The following CTDSPL2 variants were observed in gnomAD, a reference collection of about 807,000 sequenced individuals.
The protein encoded by CTDSPL2 is CTD small phosphatase like 2.
A neutral mutation model predicts 60.0 loss-of-function variants in CTDSPL2; 5 were observed. The observed-to-expected ratio is 0.08, with a 90% CI of 0.04 to 0.18. The LOEUF is 0.18. CTDSPL2 is among the 10% of genes least tolerant of loss of function. The pLI, the probability that CTDSPL2 is intolerant of heterozygous loss-of-function variation, is 1.00. For missense variants in CTDSPL2, 370 were observed against 548.8 expected (o/e 0.67, Z 3.26); for synonymous variants, 186 against 189.3 (o/e 0.98, Z 0.14).
intron 2 of CTDSPL2, among the ~76,000 whole-genome samples, chr15:44,476,513 A>G (rs990903107): frequency 6.6e-6 from 1 of 152,228 alleles, no homozygotes; most frequent in African/African-American, 2.4e-5. Context: ...AAATATATAT[A>G]TACAGTCAGG....
At chr15:44,444,102 A>G (rs2080150362) in intron 1 of CTDSPL2, among the ~76,000 whole-genome samples, 1 of 151,788 alleles carries the variant, frequency 6.6e-6, no homozygotes, top group African/African-American at 2.4e-5. Context: ...ATGGGGTCTC[A>G]CCTTGTTGCT....
At chr15:44,443,415 C>T (rs773805589) in intron 1 of CTDSPL2, among the ~76,000 whole-genome samples, 3 of 152,088 alleles carry the variant, frequency 2.0e-5, no homozygotes, top group Non-Finnish European at 1.5e-5. Context: ...GGATGCATAC[C>T]TGGAAGTAGA....
intron 1 of CTDSPL2, among the ~76,000 whole-genome samples, chr15:44,436,376 T>C (rs1340141999): frequency 6.6e-6 from 1 of 152,206 alleles, no homozygotes; most frequent in Non-Finnish European, 1.5e-5. Flanking sequence ...TTTGTCTTAA[T>C]GAGGTTGCTG....
At chr15:44,430,162 A>G (rs2079828447) in intron 1 of CTDSPL2, among the ~76,000 whole-genome samples, 1 of 152,244 alleles carries the variant, frequency 6.6e-6, no homozygotes, top group African/African-American at 2.4e-5. Flanking sequence ...AACAGAGTCC[A>G]TCTAATTCTG....
chr15:44,462,127 A>G (rs2140708055), intron 2 of CTDSPL2, among the ~76,000 whole-genome samples: 1 of 152,288 alleles, frequency 6.6e-6, no homozygotes, highest in African/African-American at 2.4e-5. Flanking sequence ...ATTTTTTAAT[A>G]GAGGCAAGGC....
intron 1 of CTDSPL2, among the ~76,000 whole-genome samples, chr15:44,445,224 G>A (rs1210658042): frequency 6.6e-6 from 1 of 151,540 alleles, no homozygotes; most frequent in Non-Finnish European, 1.5e-5. Context: ...CACTCCGGCT[G>A]TTGCCCTGTC....
At chr15:44,455,365 A>G (rs565606576) in intron 1 of CTDSPL2, among the ~76,000 whole-genome samples, 122 of 152,324 alleles carry the variant, frequency 8.0e-4, no homozygotes, top group Middle Eastern at 3.4e-3. Context: ...GTCATCTGCA[A>G]ACAGGGACAG....
intron 10 of CTDSPL2, 61 bp downstream of exon 10, chr15:44,514,905 C>T (rs1462569817): frequency 7.8e-5 from 80 of 1,021,564 alleles, no homozygotes; most frequent in Non-Finnish European, 9.9e-5. Flanking sequence ...ATTACTGATT[C>T]TATTTCATTT....
intron 8 of CTDSPL2, among the ~76,000 whole-genome samples, chr15:44,505,006 A>G (rs979715134): frequency 6.6e-6 from 1 of 152,212 alleles, no homozygotes; most frequent in African/African-American, 2.4e-5. Flanking sequence ...ATTATTCATT[A>G]TTAATTGGCT....
chr15:44,434,171 A>G (rs2079924739), intron 1 of CTDSPL2, among the ~76,000 whole-genome samples: 1 of 151,808 alleles, frequency 6.6e-6, no homozygotes, highest in African/African-American at 2.4e-5. Flanking sequence ...GGAGGCCAAG[A>G]TGGGCAGATC....
intron 4 of CTDSPL2, 58 bp downstream of exon 4, chr15:44,486,758 G>GTTTTTTTTTTTT (rs368571218): frequency 1.3e-6 from 1 of 745,408 alleles, no homozygotes; most frequent in African/African-American, 2.0e-5. Flanking sequence ...CATAGTTTGG[G>GTTTTTTTTTTTT]TTTTTTTTTT....
chr15:44,528,615 A>G lies in CTDSPL2; in HGVS notation c.*4441A>G, dbSNP rs962229609. 14 of 151,874 alleles carry G rather than the reference A, an allele frequency of 9.2e-5. No individual in the cohort carries two copies. Among genetic ancestry groups the G allele is most frequent in the African/African-American group, 3.4e-4 (14 of 41,358 alleles). The allele number at this position is 151,874 out of a possible 1,614,324, so 9.4% of individuals were successfully genotyped here. On this transcript the variant is annotated 3_prime_UTR_variant, in exon 13 of 13. Coordinates refer to ENST00000260327, the MANE Select transcript of CTDSPL2 (RefSeq NM_016396.3). The stretch of plus-strand genomic sequence containing the variant: ...CTGCTCATTATCATTTTTGTCTTTC[A>G]TATTTTTTAAGGGTTTGCATTTCTA...
intron 8 of CTDSPL2, among the ~76,000 whole-genome samples, chr15:44,505,635 G>A (rs1195824404): frequency 6.6e-6 from 1 of 151,758 alleles, no homozygotes; most frequent in Non-Finnish European, 1.5e-5. Context: ...TCGGGAGGCT[G>A]AGACGGGAGA....
At chr15:44,500,672 C>T (rs1354652021) in intron 8 of CTDSPL2, among the ~76,000 whole-genome samples, 1 of 152,150 alleles carries the variant, frequency 6.6e-6, no homozygotes, top group Non-Finnish European at 1.5e-5. Flanking sequence ...TGTTTATGTG[C>T]TCTTAAAGGC....
Position 44,457,161 on chromosome 15 carries a change from G to C in CTDSPL2, c.-24-1830G>C, listed in dbSNP as rs186532950. On this transcript the variant is annotated intron_variant, in intron 1 of 12. Coordinates refer to ENST00000260327, the MANE Select transcript of CTDSPL2 (RefSeq NM_016396.3). ...CAAAATGCTGGGATTACAGGCGTGAGCCACTGTGCCCAGCCTGCTTTGAAG... is the reference window on the plus strand; with the variant it reads ...CAAAATGCTGGGATTACAGGCGTGACCCACTGTGCCCAGCCTGCTTTGAAG... Among the ~76,000 whole-genome samples the C allele has an allele frequency of 7.9e-5, 12 of 152,326 alleles. No homozygotes were observed. In the East Asian group the frequency reaches 2.1e-3, roughly 27 times the overall value.
chr15:44,519,593 CAT>C (rs1269785518), intron 11 of CTDSPL2: 6 of 223,406 alleles, frequency 2.7e-5, no homozygotes, highest in East Asian at 1.3e-4. Context: ...TAATCATAAA[CAT>C]ATTTGAGTAC....
chr15:44,472,159 A>G (rs2080823645), intron 2 of CTDSPL2, among the ~76,000 whole-genome samples: 1 of 152,206 alleles, frequency 6.6e-6, no homozygotes. Context: ...GTGAACATTC[A>G]TGTATACATT....
At chr15:44,454,702 GT>G (rs1338232936) in intron 1 of CTDSPL2, among the ~76,000 whole-genome samples, 1 of 152,126 alleles carries the variant, frequency 6.6e-6, no homozygotes, top group Non-Finnish European at 1.5e-5. Flanking sequence ...CCCATTTCTT[GT>G]TTTTGTCAGA....
intron 2 of CTDSPL2, among the ~76,000 whole-genome samples, chr15:44,459,928 G>T (rs1424190970): frequency 6.6e-6 from 1 of 152,128 alleles, no homozygotes; most frequent in African/African-American, 2.4e-5. Flanking sequence ...ACACGGACCA[G>T]GAGTCTTGTA....
Sources: allele counts gnomAD v4.1 joint callset (sites outside exome capture counted in the v4.1 genomes callset), GRCh38; gene constraint gnomAD v4.1.1; transcripts MANE v1.5; gene names NCBI Gene and HGNC (gene_info 2026-07-23, HGNC 2026-07-21).